Variants in TMEM108 observed in about 807,000 individuals in gnomAD.
TMEM108 encodes cancer/testis antigen 124.
Under a neutral mutation model 35.1 loss-of-function variants are expected in TMEM108, and 12 were observed. That is an observed-to-expected ratio of 0.34 (90% CI 0.22 to 0.55). The LOEUF (loss-of-function observed/expected upper bound fraction) is 0.55, where lower values mean the gene tolerates loss of function less well. Ranked by LOEUF, TMEM108 falls within the 20% of genes least tolerant of loss-of-function variation. The pLI, the probability that TMEM108 is intolerant of heterozygous loss-of-function variation, is 0.89. For missense variants in TMEM108, 680 were observed against 753.3 expected (o/e 0.90, Z 1.14); for synonymous variants, 287 against 308.6 (o/e 0.93, Z 0.73).
chr3:133,336,294 C>G (rs953152163), intron 3 of TMEM108, among the ~76,000 whole-genome samples: 1 of 152,130 alleles, frequency 6.6e-6, no homozygotes, highest in African/African-American at 2.4e-5. Context: ...TTCCCCAAAC[C>G]CCAGTTGCAC....
intron 2 of TMEM108, among the ~76,000 whole-genome samples, chr3:133,165,920 G>A (rs1185503742): frequency 6.6e-6 from 1 of 152,276 alleles, no homozygotes; most frequent in East Asian, 1.9e-4. Context: ...ATGTCCAAAG[G>A]TCTTTTCAGG....
intron 2 of TMEM108, among the ~76,000 whole-genome samples, chr3:133,084,902 CCAGGACACG>C: frequency 6.6e-6 from 1 of 152,180 alleles, no homozygotes; most frequent in Non-Finnish European, 1.5e-5. Flanking sequence ...AGGGGTTTCT[CCAGGACACG>C]CAGTGAGTGG....
At chr3:133,296,703 G>A (rs562039710) in intron 3 of TMEM108, among the ~76,000 whole-genome samples, 3 of 152,108 alleles carry the variant, frequency 2.0e-5, no homozygotes, top group African/African-American at 7.2e-5. Flanking sequence ...AGTAGGACAG[G>A]GGGGACTTGG....
intron 2 of TMEM108, among the ~76,000 whole-genome samples, chr3:133,089,092 A>C (rs34761172): frequency 0.086 from 13,086 of 152,158 alleles, 677 homozygotes; most frequent in East Asian, 0.12. Context: ...AAACAACCAG[A>C]TCTCACAAAA....
At chr3:133,219,692 G>A (rs1379782419) in intron 2 of TMEM108, among the ~76,000 whole-genome samples, 1 of 151,934 alleles carries the variant, frequency 6.6e-6, no homozygotes, top group African/African-American at 2.4e-5. Flanking sequence ...TATTGTGGTT[G>A]GAAAATATAT....
chr3:133,182,509 T>C (rs1945362096), intron 2 of TMEM108, among the ~76,000 whole-genome samples: 3 of 152,356 alleles, frequency 2.0e-5, no homozygotes, highest in Admixed American at 1.3e-4. Context: ...GGTGATAGTA[T>C]ACTGATGTCA....
Position 133,386,619 on chromosome 3 carries a change from C to T in TMEM108, c.1451-3561C>T, listed in dbSNP as rs141267342. On this transcript the variant is annotated intron_variant, in intron 4 of 5. Transcript: ENST00000321871. Reference sequence around the variant, plus strand: ...TTAAAACTCAAGGAAATTGGGACTCCATGACCTCCTCCAGAGTCTTGATGG... The same window carrying T: ...TTAAAACTCAAGGAAATTGGGACTCTATGACCTCCTCCAGAGTCTTGATGG... 8.4e-4 allele frequency: 1,199 copies of T among 1,435,076 alleles called. 7 individuals carry two copies. The African/African-American group carries it at 0.015, about 18-fold the overall frequency. The allele number at this position is 1,435,076 out of a possible 1,614,324, so 88.9% of individuals were successfully genotyped here. A position where few individuals can be genotyped will look rare whatever the true frequency, so the allele number is the denominator to read the frequency against.
chr3:133,084,552 C>G (rs1943857185), intron 2 of TMEM108, among the ~76,000 whole-genome samples: 2 of 152,170 alleles, frequency 1.3e-5, no homozygotes, highest in Non-Finnish European at 2.9e-5. Context: ...GGTACCAGCG[C>G]TGCTCCTTGA....
chr3:133,193,554 CA>C (rs1336812169), intron 2 of TMEM108, among the ~76,000 whole-genome samples: 1 of 151,924 alleles, frequency 6.6e-6, no homozygotes, highest in Non-Finnish European at 1.5e-5. Context: ...CTTAGCACTC[CA>C]AAAAAATAAG....
At chr3:133,279,212 G>A (rs1946879107) in intron 3 of TMEM108, among the ~76,000 whole-genome samples, 1 of 152,172 alleles carries the variant, frequency 6.6e-6, no homozygotes. Context: ...TACGTGCATG[G>A]ACGAAATCCT....
rs539045807 is a variant in TMEM108 at position 133,150,737 on chromosome 3, G to A, written c.-46-78529G>A. Among the ~76,000 whole-genome samples the A allele has an allele frequency of 5.9e-5, 9 of 152,250 alleles. No homozygotes were observed. The South Asian group carries it at 1.5e-3, about 25-fold the overall frequency. ...ATATCTATAGAAGTTTCTAAACTGAGGTGAGATCAGAGACATGATGAGAGA... is the reference window on the plus strand; with the variant it reads ...ATATCTATAGAAGTTTCTAAACTGAAGTGAGATCAGAGACATGATGAGAGA... On this transcript the variant is annotated intron_variant, in intron 2 of 5. Coordinates refer to ENST00000321871, the MANE Select transcript of TMEM108 (RefSeq NM_023943.4).
intron 3 of TMEM108, among the ~76,000 whole-genome samples, chr3:133,359,919 C>T (rs2072291967): frequency 6.7e-6 from 1 of 149,846 alleles, no homozygotes; most frequent in African/African-American, 2.5e-5. Context: ...CATAATAGCC[C>T]TAAACTGGAA....
intron 2 of TMEM108, among the ~76,000 whole-genome samples, chr3:133,059,211 G>A (rs948273328): frequency 1.3e-5 from 2 of 152,114 alleles, no homozygotes; most frequent in African/African-American, 4.8e-5. Context: ...TCACAATGGG[G>A]GTTAGGTTTT....
intron 2 of TMEM108, among the ~76,000 whole-genome samples, chr3:133,103,835 G>C (rs1177423927): frequency 6.6e-6 from 1 of 152,168 alleles, no homozygotes; most frequent in Non-Finnish European, 1.5e-5. Flanking sequence ...AGGCAAGTCA[G>C]GTCCTCACTT....
chr3:133,341,076 A>G (rs184486384), intron 3 of TMEM108, among the ~76,000 whole-genome samples: 18 of 151,946 alleles, frequency 1.2e-4, no homozygotes, highest in African/African-American at 4.3e-4. Flanking sequence ...ATCAGACAAT[A>G]GAAATAAAGG....
At chr3:133,274,919 A>C (rs1437037123) in intron 3 of TMEM108, among the ~76,000 whole-genome samples, 1 of 140,500 alleles carries the variant, frequency 7.1e-6, no homozygotes, top group Non-Finnish European at 1.6e-5. Flanking sequence ...AGAGTCTCTA[A>C]ATGAAGTCCA....
chr3:133,155,001 C>G (rs1340183707), intron 2 of TMEM108, among the ~76,000 whole-genome samples: 1 of 152,108 alleles, frequency 6.6e-6, no homozygotes, highest in African/African-American at 2.4e-5. Context: ...CTGAACCTCT[C>G]CCCACTTCCA....
At chr3:133,292,433 A>T (rs75509575) in intron 3 of TMEM108, among the ~76,000 whole-genome samples, 1 of 152,142 alleles carries the variant, frequency 6.6e-6, no homozygotes, top group African/African-American at 2.4e-5. Context: ...GTTTCGGTTG[A>T]TCTCAGGCTC....
intron 3 of TMEM108, among the ~76,000 whole-genome samples, chr3:133,255,583 C>T (rs529662286): frequency 1.3e-5 from 2 of 152,076 alleles, no homozygotes; most frequent in South Asian, 2.1e-4. Flanking sequence ...GGTTCAAGAA[C>T]GAGAGAATAG....
Sources: gnomAD v4.1 joint callset for allele counts (sites outside exome capture counted in the v4.1 genomes callset) on GRCh38, gnomAD v4.1.1 for gene constraint, MANE v1.5 for transcripts, NCBI Gene and HGNC (gene_info 2026-07-23, HGNC 2026-07-21) for gene names.